The following EFCAB6 variants were observed in gnomAD, a reference collection of about 807,000 sequenced individuals.
EFCAB6 encodes EF-hand calcium-binding domain-containing protein 6.
In EFCAB6, 156 loss-of-function variants were observed where a neutral mutation model predicts 169.8. The ratio of observed to expected loss-of-function variants is 0.92; its 90% CI spans 0.81 to 1.05. EFCAB6 has a LOEUF of 1.05. Among genes scored for constraint, EFCAB6 ranks in the 50% least tolerant of loss-of-function variants. The pLI, the probability that EFCAB6 is intolerant of heterozygous loss-of-function variation, is 0.00. For missense variants in EFCAB6, 1,800 were observed against 1,829.1 expected (o/e 0.98, Z 0.29); for synonymous variants, 698 against 676.4 (o/e 1.03, Z -0.50).
intron 8 of EFCAB6, among the ~76,000 whole-genome samples, chr22:43,726,275 C>CCAAAAAAAAAAAAAAAAAAAAAAAA (rs2059726915): frequency 1.8e-5 from 1 of 54,400 alleles, no homozygotes; most frequent in African/African-American, 1.0e-4. Context: ...TAAAAATTCA[C>CCAAAAAAAAAAAAAAAAAAAAAAAA]CAAAAAAAAA....
At chr22:43,532,510 C>A (rs941961731) in intron 30 of EFCAB6, among the ~76,000 whole-genome samples, 2 of 151,972 alleles carry the variant, frequency 1.3e-5, no homozygotes, top group Non-Finnish European at 2.9e-5. Flanking sequence ...TCGTGGCTCC[C>A]GTGAAGATGG....
intron 17 of EFCAB6, among the ~76,000 whole-genome samples, chr22:43,647,631 C>T (rs1292544880): frequency 6.6e-6 from 1 of 152,188 alleles, no homozygotes; most frequent in East Asian, 1.9e-4. Flanking sequence ...CAGTTGGAAT[C>T]AAGTTAAGAT....
At chr22:43,583,719 T>G (rs775592146) in intron 24 of EFCAB6, among the ~76,000 whole-genome samples, 1 of 152,134 alleles carries the variant, frequency 6.6e-6, no homozygotes, top group Non-Finnish European at 1.5e-5. Flanking sequence ...TTCTGCCACA[T>G]GAGGTTACAG....
At chr22:43,765,179 G>A in intron 5 of EFCAB6, 126 bp downstream of exon 5, 1 of 626,964 alleles carries the variant, frequency 1.6e-6, no homozygotes, top group Non-Finnish European at 2.7e-6. Context: ...ATTCCATATG[G>A]ACAAGTTCTA....
intron 4 of EFCAB6, among the ~76,000 whole-genome samples, chr22:43,767,321 CT>C: frequency 6.6e-6 from 1 of 152,298 alleles, no homozygotes; most frequent in East Asian, 1.9e-4. Context: ...TCTGTAAAGC[CT>C]TTTCCTGGAA....
intron 5 of EFCAB6, among the ~76,000 whole-genome samples, chr22:43,762,096 C>T (rs2061181603): frequency 6.6e-6 from 1 of 152,206 alleles, no homozygotes; most frequent in African/African-American, 2.4e-5. Context: ...AAGTTCCTTG[C>T]CCGAAACTTT....
At chr22:43,656,085 T>A (rs529542688) in intron 17 of EFCAB6, among the ~76,000 whole-genome samples, 2 of 152,048 alleles carry the variant, frequency 1.3e-5, no homozygotes, top group African/African-American at 4.8e-5. Flanking sequence ...CTTAATAGAG[T>A]GAGCCCACAA....
chr22:43,731,859 G>A (rs759794262), intron 7 of EFCAB6, 48 bp from the exon 8 acceptor site: 38 of 1,266,944 alleles, frequency 3.0e-5, no homozygotes, highest in South Asian at 2.0e-4. Flanking sequence ...AATCTAAAAT[G>A]AAGCAAGTTT....
chr22:43,786,037 G>A (rs1292317477), intron 2 of EFCAB6, among the ~76,000 whole-genome samples: 1 of 152,176 alleles, frequency 6.6e-6, no homozygotes, highest in Admixed American at 6.5e-5. Flanking sequence ...AGGACCAGAT[G>A]AGTTCACTAG....
At chr22:43,551,018 C>G (rs868172773) in intron 27 of EFCAB6, among the ~76,000 whole-genome samples, 1 of 152,122 alleles carries the variant, frequency 6.6e-6, no homozygotes, top group South Asian at 2.1e-4. Context: ...CCCTCACGTT[C>G]GTGACTGTTG....
At chr22:43,649,235 G>A (rs1386567301) in intron 17 of EFCAB6, among the ~76,000 whole-genome samples, 1 of 152,170 alleles carries the variant, frequency 6.6e-6, no homozygotes, top group Non-Finnish European at 1.5e-5. Flanking sequence ...ATTGACAAGA[G>A]GGCAAAGGAT....
At chr22:43,566,896 G>T (rs1281683635) in intron 26 of EFCAB6, among the ~76,000 whole-genome samples, 1 of 152,102 alleles carries the variant, frequency 6.6e-6, no homozygotes, top group Non-Finnish European at 1.5e-5. Context: ...AGAACCCTTT[G>T]CCATGGGCCT....
At chr22:43,657,220 C>T (rs374946286) in intron 17 of EFCAB6, among the ~76,000 whole-genome samples, 5 of 152,038 alleles carry the variant, frequency 3.3e-5, no homozygotes, top group African/African-American at 4.8e-5. Context: ...GCTTCAGCCC[C>T]GGAGGTGGAG....
At position 43,765,372 on chromosome 22, in the gene EFCAB6, T is replaced by A. The variant is rs973725241; in HGVS notation, c.373A>T (p.Thr125Ser). The change falls in exon 5 of 32, where the codon ACT (threonine) becomes TCT (serine). Residue 125 changes from threonine to serine, a missense_variant. Coordinates refer to ENST00000262726, the MANE Select transcript of EFCAB6 (RefSeq NM_022785.4). The part of the protein sequence containing the change: ...LAQIPLSTSG[T>S]VPYLAFLSRF... Reference sequence around the variant, plus strand: ...GACAGAAAGGCAAGGTACGGTACAGTACCAGAGGTGCTAAGGGGGATCTAC... The same window carrying A: ...GACAGAAAGGCAAGGTACGGTACAGAACCAGAGGTGCTAAGGGGGATCTAC... 1.2e-6 allele frequency: 2 copies of A among 1,612,266 alleles called. No individual in the cohort carries two copies. Among genetic ancestry groups the A allele is most frequent in the African/African-American group, 2.7e-5 (2 of 74,830 alleles).
At chr22:43,772,456 T>G (rs997164105) in intron 4 of EFCAB6, among the ~76,000 whole-genome samples, 2 of 151,944 alleles carry the variant, frequency 1.3e-5, no homozygotes, top group Non-Finnish European at 2.9e-5. Flanking sequence ...CCTGGAAACA[T>G]GGTGAAACCC....
intron 10 of EFCAB6, among the ~76,000 whole-genome samples, chr22:43,699,297 G>A (rs563260940): frequency 8.9e-4 from 135 of 152,268 alleles, no homozygotes; most frequent in African/African-American, 3.0e-3. Context: ...TTCCTGCCCT[G>A]CTGGGCAGCA....
rs2060496074 is a variant in EFCAB6, at chr22:43,744,574, A to T, written c.508-8581T>A. ...GTTCCCAAGGGACTGCTCATCAGGGAAGGGGACCCAAGCAGCCAAAGGAAG... is the reference window on the plus strand; with the variant it reads ...GTTCCCAAGGGACTGCTCATCAGGGTAGGGGACCCAAGCAGCCAAAGGAAG... On this transcript the variant is annotated intron_variant, in intron 6 of 31. Coordinates refer to ENST00000262726, the MANE Select transcript of EFCAB6 (RefSeq NM_022785.4). This position sits in a 1 kb window ranked among gnomAD's most constrained non-coding sequence, Gnocchi z 4.3. Among the ~76,000 whole-genome samples, 1 of 152,114 alleles carries T rather than the reference A, an allele frequency of 6.6e-6. No individual in the cohort carries two copies. The highest frequency in any genetic ancestry group is 2.1e-4 in the South Asian group (1 of 4,826).
rs372309698 is a variant in EFCAB6, at chr22:43,608,530, C to A, written c.2633G>T (p.Gly878Val). 5.0e-6 allele frequency: 8 copies of A among 1,614,080 alleles called. No individual in the cohort carries two copies. The highest frequency in any genetic ancestry group is 6.8e-6 in the Non-Finnish European group (8 of 1,180,036). Residue 878 changes from glycine to valine, a missense_variant, in exon 22 of 32, where the codon GGT (glycine) becomes GTT (valine). Physicochemically the swap from Gly to Val is moderately radical, Grantham distance 109. Transcript: ENST00000262726. The part of the protein sequence containing the change: ...RRRDIKNALY[G>V]FDIPLTPREF... ...TCTTGGTGTGAGGGGAATATCAAAACCGTACAGTGCGTTCTTTATGTCCCG... is the reference window on the plus strand; with the variant it reads ...TCTTGGTGTGAGGGGAATATCAAAAACGTACAGTGCGTTCTTTATGTCCCG...
At chr22:43,717,453 AG>A (rs1202839317) in intron 8 of EFCAB6, among the ~76,000 whole-genome samples, 1 of 151,956 alleles carries the variant, frequency 6.6e-6, no homozygotes, top group African/African-American at 2.4e-5. Flanking sequence ...TGAGAAATAC[AG>A]GTTAATTTTC....
Sources: gnomAD v4.1 joint callset for allele counts (sites outside exome capture counted in the v4.1 genomes callset) on GRCh38, gnomAD v4.1.1 for gene constraint, Gnocchi (gnomAD v3.1) non-coding constraint, MANE v1.5 for transcripts, NCBI Gene and HGNC (gene_info 2026-07-23, HGNC 2026-07-21) for gene names.